EYA4: variants seen among roughly 807,000 people sequenced by gnomAD.
EYA4 encodes the protein EYA transcriptional coactivator and phosphatase 4.
Under a neutral mutation model 87.9 loss-of-function variants are expected in EYA4, and 31 were observed. That is an observed-to-expected ratio of 0.35 (90% confidence interval 0.27 to 0.48). The LOEUF (loss-of-function observed/expected upper bound fraction) is 0.48. Among genes scored for constraint, EYA4 ranks in the 20% least tolerant of loss-of-function variants. The pLI is 0.99. For synonymous variants in EYA4, 263 were observed against 270.6 expected (o/e 0.97, Z 0.28); for missense variants, 678 against 761.4 (o/e 0.89, Z 1.29).
chr6:133,468,649 G>A lies in EYA4; in HGVS notation c.888G>A (p.Ser296=), dbSNP rs768010410. 44 of 1,612,856 alleles carry A rather than the reference G, an allele frequency of 2.7e-5. No individual in the cohort carries two copies. Among genetic ancestry groups the A allele is most frequent in the Admixed American group, 2.7e-4 (16 of 59,848 alleles). Residue 296 remains serine (S), a synonymous_variant, in exon 11 of 20, where the codon TCG becomes TCA. Coordinates refer to ENST00000355286, the MANE Select transcript of EYA4 (RefSeq NM_004100.5). The part of the protein sequence containing the change: ...SASTYGAYMT[S]NNTADGTPSS... The stretch of plus-strand genomic sequence containing the variant: ...CAACGTATGGAGCGTATATGACATC[G>A]AATAACACAGCCGATGGCACACCCT...
At position 133,468,476 on chromosome 6, in the gene EYA4, T is replaced by G. The variant is rs570118350; in HGVS notation, c.805-90T>G. 5.8e-5 allele frequency: 61 copies of G among 1,057,610 alleles called. No individual in the cohort carries two copies. In the East Asian group the frequency reaches 1.4e-3, roughly 25 times the overall value. 65.5% of individuals were successfully genotyped at this position (1,057,610 alleles called of 1,614,324 possible). A position where few individuals can be genotyped will look rare whatever the true frequency, so the allele number is the denominator to read the frequency against. On this transcript the variant is annotated intron_variant, in intron 10 of 19. Transcript: ENST00000355286. ...AGAAACAAATGGGGCTGAGTACTAA[T>G]CTTTCAGTTACCATAATGACTGGTT...
At chr6:133,295,695 CAT>C (rs1380837011) in intron 2 of EYA4, among the ~76,000 whole-genome samples, 1 of 152,114 alleles carries the variant, frequency 6.6e-6, no homozygotes, top group Non-Finnish European at 1.5e-5. Context: ...TGCCCAAACT[CAT>C]ATAGAAATTA....
rs145382416 is a variant in EYA4, at chr6:133,370,602, G to A, written c.34-11790G>A. Reference sequence around the variant, plus strand: ...TAATGTTGGGAGAAATGCAGGTAACGTGATAAGTGATAATAGATTACATTT... The same window carrying A: ...TAATGTTGGGAGAAATGCAGGTAACATGATAAGTGATAATAGATTACATTT... On this transcript the variant is annotated intron_variant, in intron 2 of 19. Coordinates refer to ENST00000355286, the MANE Select transcript of EYA4 (RefSeq NM_004100.5). Among the ~76,000 whole-genome samples the A allele has an allele frequency of 4.2e-3, 640 of 152,260 alleles. 7 individuals are homozygous for A. Among genetic ancestry groups the A allele is most frequent in the African/African-American group, 0.015 (610 of 41,560 alleles).
chr6:133,398,811 A>G (rs1376342346), intron 3 of EYA4, among the ~76,000 whole-genome samples: 2 of 152,192 alleles, frequency 1.3e-5, no homozygotes, highest in Non-Finnish European at 2.9e-5. Context: ...AAAAATTGCC[A>G]ACATGCAGTG....
intron 1 of EYA4, among the ~76,000 whole-genome samples, chr6:133,272,792 C>G (rs998982256): frequency 3.3e-5 from 5 of 152,172 alleles, no homozygotes; most frequent in South Asian, 2.1e-4. Flanking sequence ...GCAGAGCCTT[C>G]TCCTGTTCTG....
At chr6:133,448,041 C>T in intron 4 of EYA4, 70 bp from the exon 5 acceptor site, 1 of 1,174,026 alleles carries the variant, frequency 8.5e-7, no homozygotes, top group Non-Finnish European at 1.3e-6. Flanking sequence ...CCAGTGCAAG[C>T]ATTGAAGATT....
At chr6:133,259,822 C>T (rs1220929536) in intron 1 of EYA4, among the ~76,000 whole-genome samples, 1 of 152,066 alleles carries the variant, frequency 6.6e-6, no homozygotes, top group Non-Finnish European at 1.5e-5. Flanking sequence ...ACCTTGATTC[C>T]TGAGAAATTA....
At chr6:133,360,289 G>T (rs539333095) in intron 2 of EYA4, 2 of 152,268 alleles carry the variant, frequency 1.3e-5, no homozygotes, top group East Asian at 3.9e-4. Flanking sequence ...GGCTTAGTAG[G>T]CTAGGAGTCA....
Position 133,530,511 on chromosome 6 carries a change from C to A in EYA4, c.*1706C>A. On this transcript the variant is annotated 3_prime_UTR_variant, in exon 20 of 20. Transcript: ENST00000355286. ...TCATAATGTGGATCCTGGAGTCAGG[C>A]TACTAGTCAGTGCCCCTAGCCAGAG... The A allele has an allele frequency of 1.0e-6, 1 of 985,782 alleles. No homozygotes were observed. The highest frequency in any genetic ancestry group is 1.2e-6 in the Non-Finnish European group (1 of 829,860). The allele number at this position is 985,782 out of a possible 1,614,324, so 61.1% of individuals were successfully genotyped here. A position where few individuals can be genotyped will look rare whatever the true frequency, so the allele number is the denominator to read the frequency against.
In EYA4 at chr6:133,530,682, G is replaced by A. The variant is rs1166147635; in HGVS notation, c.*1877G>A. 1.0e-6 allele frequency: 1 copy of A among 985,672 alleles called. No homozygotes were observed. Among genetic ancestry groups the A allele is most frequent in the Non-Finnish European group, 1.2e-6 (1 of 829,780 alleles). 61.1% of individuals were successfully genotyped at this position (985,672 alleles called of 1,614,324 possible). A position where few individuals can be genotyped will look rare whatever the true frequency, so the allele number is the denominator to read the frequency against. ...TTTCTTTACTGAATGCTAAGGCCAT[G>A]TTTATATTGGGTAGAAAGATATTGA... On this transcript the variant is annotated 3_prime_UTR_variant, in exon 20 of 20. Coordinates refer to ENST00000355286, the MANE Select transcript of EYA4 (RefSeq NM_004100.5).
rs138526001 is a variant in EYA4 at position 133,373,647 on chromosome 6, A to G, written c.34-8745A>G. On this transcript the variant is annotated intron_variant, in intron 2 of 19. Coordinates refer to ENST00000355286, the MANE Select transcript of EYA4 (RefSeq NM_004100.5). ...TTCATTTTGCTCTTTTTGCTATGCT[A>G]ATACATTGTAAAGCATTTATCCATC... Among the ~76,000 whole-genome samples the G allele has an allele frequency of 2.3e-3, 350 of 152,170 alleles. 3 individuals are homozygous for G. The highest frequency in any genetic ancestry group is 6.4e-3 in the African/African-American group (264 of 41,558).
chr6:133,291,030 T>G (rs905206689), intron 2 of EYA4, among the ~76,000 whole-genome samples: 8 of 152,156 alleles, frequency 5.3e-5, no homozygotes, highest in Non-Finnish European at 1.2e-4. Flanking sequence ...TGTGAAAACT[T>G]TATTTTGCAT....
intron 13 of EYA4, among the ~76,000 whole-genome samples, chr6:133,496,038 A>T (rs1321846914): frequency 6.6e-6 from 1 of 152,216 alleles, no homozygotes; most frequent in Non-Finnish European, 1.5e-5. Flanking sequence ...TGAGATGTTT[A>T]AAAGAATCCT....
rs939919997 is a variant in EYA4 at position 133,446,807 on chromosome 6, A to T, written c.208+53A>T. 4 of 1,563,752 alleles carry T rather than the reference A, an allele frequency of 2.6e-6. No individual in the cohort carries two copies. The African/African-American group carries it at 5.4e-5, about 21-fold the overall frequency. ...GAATCATATTTCAATGTTTGCTTTA[A>T]TTTTACTTCTTAGAGATCTGCTAAT... On this transcript the variant is annotated intron_variant, in intron 4 of 19. Coordinates refer to ENST00000355286, the MANE Select transcript of EYA4 (RefSeq NM_004100.5).
At chr6:133,400,996 G>T (rs925508008) in intron 3 of EYA4, among the ~76,000 whole-genome samples, 4 of 152,122 alleles carry the variant, frequency 2.6e-5, no homozygotes, top group African/African-American at 9.7e-5. Context: ...CAACCCAAGT[G>T]CCCATAGTGA....
chr6:133,265,882 A>G (rs1776181896), intron 1 of EYA4, among the ~76,000 whole-genome samples: 1 of 152,184 alleles, frequency 6.6e-6, no homozygotes, highest in African/African-American at 2.4e-5. Flanking sequence ...CTGAAGTCTT[A>G]TTTAATTTCA....
In EYA4 at chr6:133,485,696, A is replaced by G. The variant is rs1796630617; in HGVS notation, c.1191+2581A>G. On this transcript the variant is annotated intron_variant, in intron 13 of 19. Coordinates refer to ENST00000355286, the MANE Select transcript of EYA4 (RefSeq NM_004100.5). ...AGTTCTCTTTTAAGTTGTAATTTTA[A>G]TGATCTTCTCTCAGACACTTGGAAT... 3.9e-5 allele frequency among the ~76,000 whole-genome samples: 6 copies of G among 152,226 alleles called. No individual in the cohort carries two copies. In the South Asian group the frequency reaches 1.2e-3, roughly 31 times the overall value.
intron 3 of EYA4, among the ~76,000 whole-genome samples, chr6:133,392,554 G>A (rs1049912409): frequency 5.3e-5 from 8 of 152,108 alleles, no homozygotes; most frequent in Non-Finnish European, 1.2e-4. Context: ...ATAAAAGGCT[G>A]GAGAGACACT....
intron 3 of EYA4, among the ~76,000 whole-genome samples, chr6:133,410,154 AAGTGTTCTT>A (rs1338165125): frequency 6.6e-6 from 1 of 152,178 alleles, no homozygotes; most frequent in Non-Finnish European, 1.5e-5. Flanking sequence ...ACCATGTCCT[AAGTGTTCTT>A]AGTATCTATT....
Sources: allele counts gnomAD v4.1 joint callset (sites outside exome capture counted in the v4.1 genomes callset), GRCh38; gene constraint gnomAD v4.1.1; transcripts MANE v1.5; gene names NCBI Gene and HGNC (gene_info 2026-07-23, HGNC 2026-07-21).